ADAM10: variants seen among roughly 807,000 people sequenced by gnomAD.
ADAM10 encodes disintegrin and metalloproteinase domain-containing protein 10.
Under a neutral mutation model 90.1 loss-of-function variants are expected in ADAM10, and 17 were observed. The observed-to-expected ratio is 0.19, with a 90% CI of 0.13 to 0.28. The LOEUF (loss-of-function observed/expected upper bound fraction) is 0.28, where lower values mean the gene tolerates loss of function less well. ADAM10 is among the 10% of genes least tolerant of loss of function. The pLI is 1.00. For synonymous variants in ADAM10, 310 were observed against 298.6 expected (o/e 1.04, Z -0.40); for missense variants, 610 against 914.3 (o/e 0.67, Z 4.29).
rs116018150 is a variant in ADAM10 at position 58,737,642 on chromosome 15, C to A, written c.55+11838G>T. On this transcript the variant is annotated intron_variant, in intron 1 of 15. Coordinates refer to ENST00000260408, the MANE Select transcript of ADAM10 (RefSeq NM_001110.4). ...TATGATACACAAAATGATCTAACAA[C>A]AGTGCCTGGCATTAAGTACCCCAAC... 5.8e-3 allele frequency among the ~76,000 whole-genome samples: 885 copies of A among 152,256 alleles called. 7 individuals carry two copies. The highest frequency in any genetic ancestry group is 0.021 in the African/African-American group (852 of 41,534).
chr15:58,687,679 G>A (rs752213640), intron 2 of ADAM10, among the ~76,000 whole-genome samples: 1 of 150,438 alleles, frequency 6.6e-6, no homozygotes, highest in South Asian at 2.1e-4. Context: ...AATACGAACA[G>A]TTAAACTGTG....
At position 58,621,632 on chromosome 15, in the gene ADAM10, TAAAC is replaced by T. The variant is rs1555411895; in HGVS notation, c.1361-15_1361-12del. On this transcript the variant is annotated splice_polypyrimidine_tract_variant and intron_variant, in intron 10 of 15. Transcript: ENST00000260408. ...TAGGTTGGCCAGATTCTGAGGAAAA[TAAAC>T]AAGACAAAGTAAGCATTGTGTGCAC... 5 of 1,613,626 alleles carry T rather than the reference TAAAC, an allele frequency of 3.1e-6. No individual in the cohort carries two copies. Among genetic ancestry groups the T allele is most frequent in the South Asian group, 1.1e-5 (1 of 91,086 alleles).
At chr15:58,611,236 CAG>C in intron 12 of ADAM10, 129 bp from the exon 13 acceptor site, 2 of 725,436 alleles carry the variant, frequency 2.8e-6, no homozygotes, top group Non-Finnish European at 2.4e-6. Context: ...GAAAAACAAA[CAG>C]AGATGAGTAT....
chr15:58,702,175 T>A (rs1898154341), intron 2 of ADAM10, among the ~76,000 whole-genome samples: 1 of 152,164 alleles, frequency 6.6e-6, no homozygotes, highest in African/African-American at 2.4e-5. Context: ...GTCATTATGT[T>A]GAGTGAACTA....
At position 58,726,567 on chromosome 15, in the gene ADAM10, C is replaced by CAAAAAAAAAAAA. The variant is rs71116593; in HGVS notation, c.56-8852_56-8841dup. 4.3e-4 allele frequency among the ~76,000 whole-genome samples: 9 copies of CAAAAAAAAAAAA among 20,778 alleles called. 1 individual carries two copies. The highest frequency in any genetic ancestry group is 3.1e-3 in the East Asian group (1 of 322). The allele number at this position is 20,778 out of a possible 152,430, so 13.6% of individuals were successfully genotyped here. On this transcript the variant is annotated intron_variant, in intron 1 of 15. Transcript: ENST00000260408. The stretch of plus-strand genomic sequence containing the variant: ...GCGACAGAGCGAGACCTCAGTCTCC[C>CAAAAAAAAAAAA]AAAAAAAAAAAAAAAAAAAAAAAAA...
chr15:58,675,556 TA>T (rs1398294346), intron 4 of ADAM10, among the ~76,000 whole-genome samples: 1 of 152,232 alleles, frequency 6.6e-6, no homozygotes, highest in African/African-American at 2.4e-5. Context: ...GTGGTATTCT[TA>T]CCTTGTCATT....
At chr15:58,628,253 T>A (rs1183322859) in intron 9 of ADAM10, among the ~76,000 whole-genome samples, 2 of 152,164 alleles carry the variant, frequency 1.3e-5, no homozygotes, top group African/African-American at 4.8e-5. Flanking sequence ...TATGTTAAAT[T>A]ACATGTTATG....
At chr15:58,612,994 A>AG (rs1428379560) in intron 11 of ADAM10, among the ~76,000 whole-genome samples, 5 of 152,226 alleles carry the variant, frequency 3.3e-5, no homozygotes, top group African/African-American at 1.2e-4. Context: ...CCAGCACCGC[A>AG]GCAGGTGCTC....
chr15:58,651,266 C>G (rs985267502), intron 5 of ADAM10, among the ~76,000 whole-genome samples: 9 of 152,118 alleles, frequency 5.9e-5, no homozygotes, highest in African/African-American at 2.2e-4. Context: ...TACAATTACA[C>G]TCTTTTAGTT....
At chr15:58,644,104 A>G in intron 6 of ADAM10, 126 bp from the exon 7 acceptor site, 1 of 714,674 alleles carries the variant, frequency 1.4e-6, no homozygotes, top group Non-Finnish European at 2.5e-6. Context: ...TGTCAACATT[A>G]TATACTGGAC....
At chr15:58,621,363 G>T in intron 11 of ADAM10, 108 bp downstream of exon 11, 1 of 1,320,402 alleles carries the variant, frequency 7.6e-7, no homozygotes, top group Non-Finnish European at 1.1e-6. Context: ...ACAGATAAAA[G>T]CAAAGTTTCA....
chr15:58,708,976 C>T (rs1898389764), intron 2 of ADAM10, among the ~76,000 whole-genome samples: 1 of 152,148 alleles, frequency 6.6e-6, no homozygotes, highest in Admixed American at 6.6e-5. Context: ...CTAAAAGGAA[C>T]TGTATATATG....
At chr15:58,633,675 T>C (rs1234557390) in intron 8 of ADAM10, among the ~76,000 whole-genome samples, 1 of 152,182 alleles carries the variant, frequency 6.6e-6, no homozygotes, top group East Asian at 1.9e-4. Flanking sequence ...TCCTTTCAAT[T>C]TGAATATATC....
chr15:58,648,608 G>C (rs1171928469), intron 5 of ADAM10, among the ~76,000 whole-genome samples: 1 of 152,072 alleles, frequency 6.6e-6, no homozygotes, highest in African/African-American at 2.4e-5. Context: ...ATAACATAAA[G>C]GTGTTCAAGT....
chr15:58,682,705 T>C (rs4775087), intron 2 of ADAM10, among the ~76,000 whole-genome samples: 74,316 of 152,010 alleles, frequency 0.49, 21,008 homozygotes, highest in East Asian at 0.84. Flanking sequence ...CTATTCTCCC[T>C]TACTTTCTAC....
intron 2 of ADAM10, among the ~76,000 whole-genome samples, chr15:58,688,766 TTATATA>T (rs780219725): frequency 2.5e-5 from 3 of 121,860 alleles, no homozygotes; most frequent in South Asian, 5.7e-4. Flanking sequence ...AAAAAAAAAA[TTATATA>T]TATATATATA....
At chr15:58,672,089 G>GA (rs1897205995) in intron 4 of ADAM10, among the ~76,000 whole-genome samples, 1 of 151,776 alleles carries the variant, frequency 6.6e-6, no homozygotes, top group Non-Finnish European at 1.5e-5. Context: ...GTTCTCAAAA[G>GA]AAAAAACAAA....
At chr15:58,737,430 C>A (rs942239840) in intron 1 of ADAM10, among the ~76,000 whole-genome samples, 3 of 152,042 alleles carry the variant, frequency 2.0e-5, no homozygotes, top group African/African-American at 7.2e-5. Context: ...GTACAAAGAA[C>A]CTAAATTACG....
intron 1 of ADAM10, chr15:58,747,861 T>C (rs1899840765): frequency 6.6e-6 from 1 of 152,216 alleles, no homozygotes; most frequent in South Asian, 2.1e-4. Flanking sequence ...TAAAAGAACA[T>C]TTAGTATACT....
Sources: allele counts gnomAD v4.1 joint callset (sites outside exome capture counted in the v4.1 genomes callset), GRCh38; gene constraint gnomAD v4.1.1; transcripts MANE v1.5; gene names NCBI Gene and HGNC (gene_info 2026-07-23, HGNC 2026-07-21).